Variants in CTF1 observed in about 807,000 individuals in gnomAD.
CTF1 encodes cardiotrophin-1.
Under a neutral mutation model 10.9 loss-of-function variants are expected in CTF1, and 9 were observed. The ratio of observed to expected loss-of-function variants is 0.83; its 90% CI spans 0.50 to 1.44. The LOEUF is 1.44. Ranked by LOEUF, CTF1 falls within the 40% of genes most tolerant of loss-of-function variation. The pLI is 0.00. For missense variants in CTF1, 259 were observed against 275.3 expected, an observed-to-expected ratio of 0.94 and a Z score of 0.42; for synonymous variants, 133 against 138.8, an observed-to-expected ratio of 0.96 and a Z score of 0.29.
Position 30,901,724 on chromosome 16 carries a change from A to C in CTF1, c.145-354A>C, listed in dbSNP as rs559946497. 3.7e-4 allele frequency among the ~76,000 whole-genome samples: 54 copies of C among 145,390 alleles called. 1 individual carries two copies. The highest frequency in any genetic ancestry group is 7.6e-3 in the Middle Eastern group (2 of 264). On this transcript the variant is annotated intron_variant, in intron 2 of 2. Coordinates refer to ENST00000279804, the MANE Select transcript of CTF1 (RefSeq NM_001330.5). Reference sequence around the variant, plus strand: ...CTCCGGAACAGCTGGAACTACAGACATGCGCCACCACACTCGCTATTTTTT... The same window carrying C: ...CTCCGGAACAGCTGGAACTACAGACCTGCGCCACCACACTCGCTATTTTTT...
intron 1 of CTF1, among the ~76,000 whole-genome samples, chr16:30,898,406 C>T (rs940339962): frequency 1.3e-5 from 2 of 152,156 alleles, no homozygotes; most frequent in Non-Finnish European, 2.9e-5. Context: ...CCCGCCTCAT[C>T]CTCCCAAAGT....
chr16:30,896,779 C>G, intron 1 of CTF1, 111 bp downstream of exon 1: 1 of 1,008,860 alleles, frequency 9.9e-7, no homozygotes, highest in East Asian at 3.3e-5. Context: ...GGGGAGCGGC[C>G]TTGGCGGGGA....
chr16:30,896,581 T>C (rs1428658544), upstream of CTF1: 3 of 1,248,432 alleles, frequency 2.4e-6, 1 homozygote, highest in African/African-American at 3.1e-5. Context: ...CCCCCAGCCC[T>C]TTCCCCTTTC....
chr16:30,897,355 G>C (rs552696104), intron 1 of CTF1, among the ~76,000 whole-genome samples: 1 of 152,146 alleles, frequency 6.6e-6, no homozygotes, highest in African/African-American at 2.4e-5. Context: ...GGCACATTTT[G>C]ATATGAAGTT....
Position 30,902,378 on chromosome 16 carries a change from G to T in CTF1, c.445G>T (p.Gly149Trp). 8.3e-7 allele frequency: 1 copy of T among 1,204,448 alleles called. No individual in the cohort carries two copies. The highest frequency in any genetic ancestry group is 1.0e-6 in the Non-Finnish European group (1 of 972,898). The allele number at this position is 1,204,448 out of a possible 1,614,324, so 74.6% of individuals were successfully genotyped here. A position where few individuals can be genotyped will look rare whatever the true frequency, so the allele number is the denominator to read the frequency against. Residue 149 changes from glycine (G) to tryptophan (W), a missense_variant, in exon 3 of 3, where the codon GGG becomes TGG. Physicochemically the swap from Gly to Trp is radical, Grantham distance 184 (BLOSUM62 -2). Transcript: ENST00000279804. ...GGCCGCGCTGGGCGCCGCCAACCGCGGGCCCCGGGCCGAGCCCCCCGCCGC... is the reference window on the plus strand; with the variant it reads ...GGCCGCGCTGGGCGCCGCCAACCGCTGGCCCCGGGCCGAGCCCCCCGCCGC... ...LLAALGAANR[G>W]PRAEPPAATA...
At chr16:30,901,306 T>TG (rs2055398756) in intron 2 of CTF1, among the ~76,000 whole-genome samples, 1 of 152,168 alleles carries the variant, frequency 6.6e-6, no homozygotes, top group African/African-American at 2.4e-5. Context: ...CCTTGGCCCC[T>TG]GGACTATCTT....
chr16:30,896,634 A>C lies in CTF1; in HGVS notation c.-10A>C. On this transcript the variant is annotated 5_prime_UTR_variant, in exon 1 of 3. Coordinates refer to ENST00000279804, the MANE Select transcript of CTF1 (RefSeq NM_001330.5). ...GGCGTGAAGGGAGCCGGGATCAGCC[A>C]GGGGCCAGCATGAGCCGGAGGGAGG... is the stretch of plus-strand genomic sequence containing the variant. 2 of 1,252,790 alleles carry C rather than the reference A, an allele frequency of 1.6e-6. No individual in the cohort carries two copies. Among genetic ancestry groups the C allele is most frequent in the Non-Finnish European group, 2.0e-6 (2 of 990,102 alleles). The allele number at this position is 1,252,790 out of a possible 1,614,324, so 77.6% of individuals were successfully genotyped here. A position where few individuals can be genotyped will look rare whatever the true frequency, so the allele number is the denominator to read the frequency against.
At chr16:30,901,987 G>T in intron 2 of CTF1, 91 bp from the exon 3 acceptor site, 1 of 1,158,728 alleles carries the variant, frequency 8.6e-7, no homozygotes, top group South Asian at 2.1e-5. Flanking sequence ...TGAGGAAACT[G>T]ACACCCCCAG....
chr16:30,897,200 A>G (rs2055360528), intron 1 of CTF1, among the ~76,000 whole-genome samples: 1 of 152,090 alleles, frequency 6.6e-6, no homozygotes, highest in South Asian at 2.1e-4. Flanking sequence ...GTTTCGGGAA[A>G]TGGAGTCCCT....
chr16:30,901,565 G>A (rs148840677), intron 2 of CTF1, among the ~76,000 whole-genome samples: 2 of 152,182 alleles, frequency 1.3e-5, no homozygotes, highest in African/African-American at 2.4e-5. Flanking sequence ...AGTTGCTGCT[G>A]TTATTAGGTC....
In CTF1 at chr16:30,902,576, G is replaced by T; in HGVS notation, c.*37G>T. ...CAGCTCGCCCCGCCTCCTCCCGCTGGGTTCCGTCTCTCCTTCCGCTTCTTT... is the reference window on the plus strand; with the variant it reads ...CAGCTCGCCCCGCCTCCTCCCGCTGTGTTCCGTCTCTCCTTCCGCTTCTTT... On this transcript the variant is annotated 3_prime_UTR_variant, in exon 3 of 3. Transcript: ENST00000279804. The T allele has an allele frequency of 6.7e-7, 1 of 1,486,464 alleles. No individual in the cohort carries two copies. The highest frequency in any genetic ancestry group is 8.9e-7 in the Non-Finnish European group (1 of 1,120,924). The allele number at this position is 1,486,464 out of a possible 1,614,324, so 92.1% of individuals were successfully genotyped here.
rs545860762 is a variant in CTF1 at position 30,901,340 on chromosome 16, C to T, written c.145-738C>T. On this transcript the variant is annotated intron_variant, in intron 2 of 2. Transcript: ENST00000279804. ...TTATATGATTTCCATGAAGACAGGA[C>T]AGGAAGCTTCCCCATTCATTGTACA... 1.2e-4 allele frequency among the ~76,000 whole-genome samples: 19 copies of T among 152,234 alleles called. No individual in the cohort carries two copies. The East Asian group carries it at 3.7e-3, about 29-fold the overall frequency.
In CTF1 at chr16:30,902,119, G is replaced by A; in HGVS notation, c.186G>A (p.Ser62=). Residue 62 remains serine (S), a synonymous_variant, in exon 3 of 3, where the codon TCG becomes TCA. Transcript: ENST00000279804. ...QGDPFGLPSF[S]PPRLPVAGLS... ...ACCCCTTCGGGCTGCCCAGCTTCTC[G>A]CCGCCGCGGCTGCCGGTGGCCGGCC... 3 of 1,413,882 alleles carry A rather than the reference G, an allele frequency of 2.1e-6. 1 individual carries two copies. Among genetic ancestry groups the A allele is most frequent in the East Asian group, 6.1e-5 (2 of 32,928 alleles). 87.6% of individuals were successfully genotyped at this position (1,413,882 alleles called of 1,614,324 possible). A position where few individuals can be genotyped will look rare whatever the true frequency, so the allele number is the denominator to read the frequency against.
chr16:30,899,782 C>T (rs1470043714), intron 2 of CTF1, among the ~76,000 whole-genome samples: 12 of 152,196 alleles, frequency 7.9e-5, no homozygotes, highest in Non-Finnish European at 1.0e-4. Flanking sequence ...GAGGAGGCCT[C>T]GCTCTGTCGC....
At chr16:30,900,492 G>C (rs897152270) in intron 2 of CTF1, among the ~76,000 whole-genome samples, 1 of 152,176 alleles carries the variant, frequency 6.6e-6, no homozygotes, top group Non-Finnish European at 1.5e-5. Context: ...GGCTGGGTGC[G>C]TTGGCTCATG....
intron 2 of CTF1, 67 bp from the exon 3 acceptor site, chr16:30,902,011 G>A: frequency 7.5e-7 from 1 of 1,337,372 alleles, no homozygotes; most frequent in Non-Finnish European, 9.7e-7. Context: ...GCGGGTTGGA[G>A]AGCCCAGTTA....
intron 1 of CTF1, among the ~76,000 whole-genome samples, chr16:30,897,949 G>A (rs2055368158): frequency 6.6e-6 from 1 of 150,530 alleles, no homozygotes; most frequent in Admixed American, 6.6e-5. Context: ...CTGCCTCCTG[G>A]GTTCAAGCAA....
At position 30,899,519 on chromosome 16, in the gene CTF1, C is replaced by G. The variant is rs1243213879; in HGVS notation, c.130C>G (p.Leu44Val). ...CCTCCTCACCAAATACGCTGAGCAGCTGCTCCAGGAATATGTGAGTGGGAA... is the reference window on the plus strand; with the variant it reads ...CCTCCTCACCAAATACGCTGAGCAGGTGCTCCAGGAATATGTGAGTGGGAA... ...AHLLTKYAEQ[L>V]LQEYVQLQGD... is the part of the protein sequence containing the mutation. Residue 44 changes from leucine to valine, a missense_variant, in exon 2 of 3, where the codon CTG becomes GTG. Transcript: ENST00000279804. The G allele has an allele frequency of 1.3e-6, 2 of 1,499,042 alleles. No individual in the cohort carries two copies. The highest frequency in any genetic ancestry group is 1.8e-6 in the Non-Finnish European group (2 of 1,097,400). 92.9% of individuals were successfully genotyped at this position (1,499,042 alleles called of 1,614,324 possible).
chr16:30,898,882 C>T (rs959998411), intron 1 of CTF1, among the ~76,000 whole-genome samples: 4 of 152,148 alleles, frequency 2.6e-5, no homozygotes, highest in Non-Finnish European at 4.4e-5. Flanking sequence ...TGGTCCCAAA[C>T]TCCTGGGCTC....
Sources: gnomAD v4.1 joint callset for allele counts (sites outside exome capture counted in the v4.1 genomes callset) on GRCh38, gnomAD v4.1.1 for gene constraint, MANE v1.5 for transcripts, NCBI Gene and HGNC (gene_info 2026-07-23, HGNC 2026-07-21) for gene names.